The following UCK2 variants were observed in gnomAD, a reference collection of about 807,000 sequenced individuals.
The protein encoded by UCK2 is cytidine monophosphokinase 2.
In UCK2, 6 loss-of-function variants were observed where a neutral mutation model predicts 30.8. The observed-to-expected ratio is 0.19, with a 90% CI of 0.11 to 0.38. UCK2 has a LOEUF of 0.38. UCK2 is among the 10% of genes least tolerant of loss of function. The probability of loss-of-function intolerance (pLI) is 1.00; values close to 1 mark genes in which losing one functional copy is unlikely to be tolerated. For missense variants in UCK2, 210 were observed against 339.8 expected (o/e 0.62, Z 3.00); for synonymous variants, 125 against 133.6 (o/e 0.94, Z 0.45).
chr1:165,903,202 A>C lies in UCK2; in HGVS notation c.520A>C (p.Arg174=), dbSNP rs1183075734. 3 of 1,614,054 alleles carry C rather than the reference A, an allele frequency of 1.9e-6. No individual in the cohort carries two copies. Among genetic ancestry groups the C allele is most frequent in the Admixed American group, 1.7e-5 (1 of 60,012 alleles). Residue 174 remains arginine (R), a synonymous_variant, in exon 5 of 7, where the codon AGA becomes CGA. Transcript: ENST00000367879. ...TACAGTATTAAGGGACATCAGCGAGAGAGGCAGGGATCTTGAGCAGATTTT... is the reference window on the plus strand; with the variant it reads ...TACAGTATTAAGGGACATCAGCGAGCGAGGCAGGGATCTTGAGCAGATTTT... ...SRRVLRDISE[R]GRDLEQILSQ...
chr1:165,833,584 A>AC (rs2101847728), intron 1 of UCK2, among the ~76,000 whole-genome samples: 1 of 152,230 alleles, frequency 6.6e-6, no homozygotes, highest in Admixed American at 6.5e-5. Flanking sequence ...GTGGTCACCT[A>AC]CCAGTTCACT....
chr1:165,908,171 G>GGTCT lies in UCK2; in HGVS notation c.*351_*354dup, dbSNP rs1647737539. On this transcript the variant is annotated 3_prime_UTR_variant, in exon 7 of 7. Transcript: ENST00000367879. ...GTTTGCCATAAGTATTTTGCAGGAG[G>GGTCT]GTCTGTACTTGAGTGTTTTAGGACT... The GGTCT allele has an allele frequency of 5.9e-6, 1 of 169,430 alleles. No individual in the cohort carries two copies. The highest frequency in any genetic ancestry group is 5.8e-5 in the Admixed American group (1 of 17,286). 10.5% of individuals were successfully genotyped at this position (169,430 alleles called of 1,614,324 possible). A position where few individuals can be genotyped will look rare whatever the true frequency, so the allele number is the denominator to read the frequency against.
chr1:165,886,783 C>T (rs1371478713), intron 1 of UCK2, among the ~76,000 whole-genome samples: 1 of 152,174 alleles, frequency 6.6e-6, no homozygotes, highest in African/African-American at 2.4e-5. Context: ...TCCTTCCCTC[C>T]CTGCCTTCTT....
chr1:165,901,876 G>A (rs945421579), intron 4 of UCK2, among the ~76,000 whole-genome samples: 5 of 149,432 alleles, frequency 3.3e-5, no homozygotes, highest in Admixed American at 6.7e-5. Context: ...TTGGGAGGCC[G>A]AGGCAGAAGG....
intron 1 of UCK2, among the ~76,000 whole-genome samples, chr1:165,861,652 A>AAAAAAAAAAAAAAG (rs1654907380): frequency 7.3e-6 from 1 of 136,318 alleles, no homozygotes. Context: ...AAAAAAAACA[A>AAAAAAAAAAAAAAG]AAAAAAACAA....
chr1:165,896,474 G>C, intron 4 of UCK2, 142 bp downstream of exon 4: 1 of 908,198 alleles, frequency 1.1e-6, no homozygotes, highest in African/African-American at 1.6e-5. Context: ...GGTCCAGCCC[G>C]GCTGCGTCAG....
intron 1 of UCK2, among the ~76,000 whole-genome samples, chr1:165,835,425 T>TC (rs1230795015): frequency 7.2e-5 from 11 of 151,996 alleles, no homozygotes; most frequent in Non-Finnish European, 1.3e-4. Context: ...TGGCATGAAC[T>TC]CCTGGCCTCA....
At chr1:165,879,689 T>TTCTCTTG (rs1655433922) in intron 1 of UCK2, among the ~76,000 whole-genome samples, 1 of 152,050 alleles carries the variant, frequency 6.6e-6, no homozygotes, top group South Asian at 2.1e-4. Context: ...CTTTTCTCTT[T>TTCTCTTG]TTTGATTCTT....
chr1:165,848,641 A>AAC (rs1553196968), intron 1 of UCK2, among the ~76,000 whole-genome samples: 227 of 151,292 alleles, frequency 1.5e-3, no homozygotes, highest in Middle Eastern at 3.4e-3. Flanking sequence ...CTCCAAACAA[A>AAC]ACACACACAC....
intron 1 of UCK2, among the ~76,000 whole-genome samples, chr1:165,859,126 A>G (rs1239049928): frequency 6.6e-6 from 1 of 152,176 alleles, no homozygotes; most frequent in Non-Finnish European, 1.5e-5. Flanking sequence ...TTAAATCTAC[A>G]TAAAAAGGCC....
chr1:165,897,517 C>T (rs955414601), intron 4 of UCK2, among the ~76,000 whole-genome samples: 1 of 152,048 alleles, frequency 6.6e-6, no homozygotes, highest in African/African-American at 2.4e-5. Context: ...GTTTGAGTCT[C>T]CGTTGTGTGA....
intron 1 of UCK2, among the ~76,000 whole-genome samples, chr1:165,880,157 A>C (rs554770491): frequency 4.7e-4 from 72 of 152,346 alleles, no homozygotes; most frequent in Non-Finnish European, 9.4e-4. Context: ...AGAGGATCCA[A>C]CTGGCACATT....
At position 165,891,230 on chromosome 1, in the gene UCK2, C is replaced by T; in HGVS notation, c.264C>T (p.Ala88=). ...TAACAATTTGGTATTTTTCAGATGC[C>T]TTTGACAATGAACTCATTCTCAAAA... is the stretch of plus-strand genomic sequence containing the variant. ...KGQFNFDHPD[A]FDNELILKTL... Residue 88 remains alanine, a synonymous_variant, in exon 3 of 7, where the codon GCC becomes GCT. Transcript: ENST00000367879. The T allele has an allele frequency of 6.2e-7, 1 of 1,614,010 alleles. No individual in the cohort carries two copies. Among genetic ancestry groups the T allele is most frequent in the Non-Finnish European group, 8.5e-7 (1 of 1,179,878 alleles).
intron 1 of UCK2, among the ~76,000 whole-genome samples, chr1:165,843,973 C>A (rs992712627): frequency 6.6e-6 from 1 of 152,118 alleles, no homozygotes; most frequent in Non-Finnish European, 1.5e-5. Flanking sequence ...TAATACTTCC[C>A]GAGCACTAAC....
At chr1:165,866,866 G>A (rs533497586) in intron 1 of UCK2, among the ~76,000 whole-genome samples, 1 of 152,278 alleles carries the variant, frequency 6.6e-6, no homozygotes, top group East Asian at 1.9e-4. Context: ...ACGTATCATT[G>A]TATGTATATA....
At chr1:165,866,267 T>G (rs1465460324) in intron 1 of UCK2, among the ~76,000 whole-genome samples, 1 of 152,230 alleles carries the variant, frequency 6.6e-6, no homozygotes, top group East Asian at 1.9e-4. Context: ...TTTCTATAAC[T>G]GTGAAAATGG....
chr1:165,885,530 A>G (rs919999805), intron 1 of UCK2, among the ~76,000 whole-genome samples: 1 of 152,178 alleles, frequency 6.6e-6, no homozygotes, highest in African/African-American at 2.4e-5. Context: ...CCCGACTCCA[A>G]TTTCAGTAAT....
rs531579179 is a variant in UCK2, at chr1:165,892,400, C to T, written c.356+1078C>T. ...AGTCCCCACTGACTCTAGCCTGAGG[C>T]ACTGGAGCAGAAGCTGGGGTTCATG... is the stretch of plus-strand genomic sequence containing the variant. On this transcript the variant is annotated intron_variant, in intron 3 of 6. Coordinates refer to ENST00000367879, the MANE Select transcript of UCK2 (RefSeq NM_012474.5). Among the ~76,000 whole-genome samples the T allele has an allele frequency of 2.6e-5, 4 of 152,230 alleles. No individual in the cohort carries two copies. The East Asian group carries it at 7.8e-4, about 30-fold the overall frequency.
At chr1:165,845,198 C>T (rs1454386728) in intron 1 of UCK2, among the ~76,000 whole-genome samples, 2 of 152,132 alleles carry the variant, frequency 1.3e-5, no homozygotes, top group Admixed American at 6.5e-5. Flanking sequence ...GGACATCCAG[C>T]TGGTGTCTGC....
Sources: gnomAD v4.1 joint callset for allele counts (sites outside exome capture counted in the v4.1 genomes callset) on GRCh38, gnomAD v4.1.1 for gene constraint, MANE v1.5 for transcripts, NCBI Gene and HGNC (gene_info 2026-07-23, HGNC 2026-07-21) for gene names.